SLC5A10: variants seen among roughly 807,000 people sequenced by gnomAD.
The protein encoded by SLC5A10 is solute carrier family 5 member 10, also known as sodium/mannose cotransporter SLC5A10.
SLC5A10 carries 55 observed loss-of-function variants against 68.9 expected under a neutral mutation model. That is an observed-to-expected ratio of 0.80 (90% CI 0.64 to 1.00). The LOEUF (loss-of-function observed/expected upper bound fraction) is 1.00. Among genes scored for constraint, SLC5A10 ranks in the 50% least tolerant of loss-of-function variants. The pLI is 0.00. For synonymous variants in SLC5A10, 344 were observed against 344.8 expected (o/e 1.00, Z 0.02); for missense variants, 732 against 819.3 (o/e 0.89, Z 1.30).
chr17:19,017,287 T>C lies in SLC5A10; in HGVS notation c.1241+2088T>C, dbSNP rs1420269065. The C allele has an allele frequency of 6.4e-7, 1 of 1,551,874 alleles. No homozygotes were observed. The highest frequency in any genetic ancestry group is 8.7e-7 in the Non-Finnish European group (1 of 1,146,968). On this transcript the variant is annotated intron_variant, in intron 11 of 14. Transcript: ENST00000395645. The surrounding 1 kb of genome is among the most constrained non-coding windows in gnomAD (Gnocchi z 5.6). ...CAACTTCCCGTCCCTCTTACAGCAC[T>C]GGGATACCCTCAACACCCCCAGCCC...
intron 9 of SLC5A10, among the ~76,000 whole-genome samples, chr17:18,992,567 C>T (rs995853312): frequency 6.6e-6 from 1 of 152,328 alleles, no homozygotes; most frequent in East Asian, 1.9e-4. Flanking sequence ...GGAGCACAGG[C>T]GTGGGCCTCC....
rs1302712284 is a variant in SLC5A10 at position 18,971,094 on chromosome 17, C to T, written c.722C>T (p.Thr241Ile). 6.2e-7 allele frequency: 1 copy of T among 1,614,012 alleles called. No homozygotes were observed. The highest frequency in any genetic ancestry group is 8.5e-7 in the Non-Finnish European group (1 of 1,180,046). Residue 241 changes from threonine to isoleucine, a missense_variant, in exon 8 of 15, where the codon ACC becomes ATC. Coordinates refer to ENST00000395645, the MANE Select transcript of SLC5A10 (RefSeq NM_001042450.4). This position sits in a 1 kb window ranked among gnomAD's most constrained non-coding sequence, Gnocchi z 5.5. ...CCCTCCAGGACCATTGCCAACACCA[C>T]CTGCCACCTGCCACGTACAGACGCC... ...AIPSRTIANT[T>I]CHLPRTDAMH...
At chr17:18,989,582 T>C (rs758400050) in intron 9 of SLC5A10, among the ~76,000 whole-genome samples, 13 of 152,186 alleles carry the variant, frequency 8.5e-5, no homozygotes, top group Non-Finnish European at 1.8e-4. Flanking sequence ...CTCATCAGTA[T>C]AGCATGCTCC....
intron 9 of SLC5A10, among the ~76,000 whole-genome samples, chr17:18,982,401 A>G (rs980590629): frequency 2.6e-5 from 4 of 152,218 alleles, no homozygotes; most frequent in Non-Finnish European, 4.4e-5. Flanking sequence ...TCGTGTGCGC[A>G]GAGGTGGAGG....
At chr17:18,964,449 C>G (rs1305156315) in intron 5 of SLC5A10, among the ~76,000 whole-genome samples, 1 of 152,202 alleles carries the variant, frequency 6.6e-6, no homozygotes, top group Non-Finnish European at 1.5e-5. Context: ...ATGGAAATCA[C>G]CTACTTACTG....
At chr17:18,990,524 G>A (rs1486307912) in intron 9 of SLC5A10, among the ~76,000 whole-genome samples, 1 of 152,220 alleles carries the variant, frequency 6.6e-6, no homozygotes, top group East Asian at 1.9e-4. Context: ...CCTGCCTACC[G>A]TGGCAGATGG....
chr17:18,971,545 T>C lies in SLC5A10; in HGVS notation c.846+327T>C. 1 of 1,613,800 alleles carries C rather than the reference T, an allele frequency of 6.2e-7. No individual in the cohort carries two copies. The highest frequency in any genetic ancestry group is 2.2e-5 in the East Asian group (1 of 44,866). ...TCATGGGGCGGGCATTTTGGGCCAG[T>C]CTTGGGCTGCCGGGATCCGGAAGCA... On this transcript the variant is annotated intron_variant, in intron 8 of 14. Coordinates refer to ENST00000395645, the MANE Select transcript of SLC5A10 (RefSeq NM_001042450.4). The surrounding 1 kb of genome is among the most constrained non-coding windows in gnomAD (Gnocchi z 5.5).
chr17:18,992,045 AGCCTGC>A (rs1392192761), intron 9 of SLC5A10, among the ~76,000 whole-genome samples: 1 of 152,074 alleles, frequency 6.6e-6, no homozygotes, highest in Non-Finnish European at 1.5e-5. Flanking sequence ...GCCAACAGCG[AGCCTGC>A]GCCTGCCCCA....
intron 9 of SLC5A10, among the ~76,000 whole-genome samples, chr17:18,994,044 G>C (rs1242763727): frequency 6.6e-6 from 1 of 152,138 alleles, no homozygotes; most frequent in African/African-American, 2.4e-5. Context: ...ACTACCCTCC[G>C]GGCCAGCTGG....
In SLC5A10 at chr17:19,021,143, A is replaced by T. The variant is rs1351438942; in HGVS notation, c.*712A>T. 2.0e-5 allele frequency: 3 copies of T among 152,128 alleles called. No homozygotes were observed. The highest frequency in any genetic ancestry group is 4.4e-5 in the Non-Finnish European group (3 of 68,036). 9.4% of individuals were successfully genotyped at this position (152,128 alleles called of 1,614,324 possible). On this transcript the variant is annotated 3_prime_UTR_variant, in exon 15 of 15. Transcript: ENST00000395645. The surrounding 1 kb of genome is among the most constrained non-coding windows in gnomAD (Gnocchi z 4.1). The stretch of plus-strand genomic sequence containing the variant: ...TCTCTAAAACCTAGCTCTGGCCCCA[A>T]CTTTCTGTCTGCCCTGGAGGTTTCT...
At chr17:19,007,196 T>C (rs964729571) in intron 9 of SLC5A10, among the ~76,000 whole-genome samples, 1 of 130,268 alleles carries the variant, frequency 7.7e-6, no homozygotes, top group Admixed American at 7.5e-5. Context: ...TACCGCTATT[T>C]TTTTTTTTTT....
chr17:18,987,213 G>A (rs2043292417), intron 9 of SLC5A10, among the ~76,000 whole-genome samples: 1 of 152,216 alleles, frequency 6.6e-6, no homozygotes, highest in South Asian at 2.1e-4. Context: ...AGACACTGGT[G>A]CTGAGCCCAA....
rs925340772 is a variant in SLC5A10 at position 18,968,251 on chromosome 17, G to T, written c.454-801G>T. 6.6e-6 allele frequency among the ~76,000 whole-genome samples: 1 copy of T among 152,212 alleles called. No individual in the cohort carries two copies. Among genetic ancestry groups the T allele is most frequent in the African/African-American group, 2.4e-5 (1 of 41,450 alleles). On this transcript the variant is annotated intron_variant, in intron 5 of 14. Coordinates refer to ENST00000395645, the MANE Select transcript of SLC5A10 (RefSeq NM_001042450.4). The surrounding 1 kb of genome is among the most constrained non-coding windows in gnomAD (Gnocchi z 4.1). ...CTGAGGCTGTGTGTTGGGTCATCTC[G>T]CATCTCCTGAGTCAAAGCAGAATGG...
At chr17:18,997,181 G>C (rs1044356043) in intron 9 of SLC5A10, among the ~76,000 whole-genome samples, 1 of 152,256 alleles carries the variant, frequency 6.6e-6, no homozygotes, top group African/African-American at 2.4e-5. Flanking sequence ...ATCATGCCCA[G>C]AGCGCTCTGA....
In SLC5A10 at chr17:18,971,708, G is replaced by C; in HGVS notation, c.846+490G>C. 6.2e-7 allele frequency: 1 copy of C among 1,600,574 alleles called. No homozygotes were observed. The highest frequency in any genetic ancestry group is 1.3e-5 in the African/African-American group (1 of 74,706). ...TCCTGGGAAGCCGTCTTTATCCCTAGTCCCTGAGGCAGGGACCCTGTGATG... is the reference window on the plus strand; with the variant it reads ...TCCTGGGAAGCCGTCTTTATCCCTACTCCCTGAGGCAGGGACCCTGTGATG... On this transcript the variant is annotated intron_variant, in intron 8 of 14. Coordinates refer to ENST00000395645, the MANE Select transcript of SLC5A10 (RefSeq NM_001042450.4). This position sits in a 1 kb window ranked among gnomAD's most constrained non-coding sequence, Gnocchi z 5.5.
rs2042775999 is a variant in SLC5A10, at chr17:18,969,176, G to A, written c.559+19G>A. 4 of 1,611,710 alleles carry A rather than the reference G, an allele frequency of 2.5e-6. No individual in the cohort carries two copies. The East Asian group carries it at 8.9e-5, about 36-fold the overall frequency. On this transcript the variant is annotated intron_variant, in intron 6 of 14. Coordinates refer to ENST00000395645, the MANE Select transcript of SLC5A10 (RefSeq NM_001042450.4). Reference sequence around the variant, plus strand: ...ATCGCAGGTATGGTGCCTGCAGCAGGGAGGTCCACCCAGGGGACGTGTAAA... The same window carrying A: ...ATCGCAGGTATGGTGCCTGCAGCAGAGAGGTCCACCCAGGGGACGTGTAAA...
Position 18,999,952 on chromosome 17 carries a change from G to C in SLC5A10, c.983-13458G>C, listed in dbSNP as rs116333723. 3.2e-3 allele frequency among the ~76,000 whole-genome samples: 483 copies of C among 152,356 alleles called. 5 individuals are homozygous for C. The highest frequency in any genetic ancestry group is 0.011 in the African/African-American group (463 of 41,578). On this transcript the variant is annotated intron_variant, in intron 9 of 14. Transcript: ENST00000395645. ...CCCCCTGCTGTGTCCTGTTGAGGGG[G>C]GCTCAGCATCTGCTGGAGGAGCAAC...
chr17:19,003,651 G>A lies in SLC5A10; in HGVS notation c.983-9759G>A. ...ATGGTGTCGGGCCAGCCCAGGTCCA[G>A]CTGCGGGATGGAGCGGTCCGACTTC... On this transcript the variant is annotated intron_variant, in intron 9 of 14. Transcript: ENST00000395645. The surrounding 1 kb of genome is among the most constrained non-coding windows in gnomAD (Gnocchi z 4.5). 1.2e-6 allele frequency: 2 copies of A among 1,612,290 alleles called. No homozygotes were observed. The highest frequency in any genetic ancestry group is 1.7e-6 in the Non-Finnish European group (2 of 1,179,576).
Position 19,003,145 on chromosome 17 carries a change from G to C in SLC5A10, c.983-10265G>C, listed in dbSNP as rs1172299159. On this transcript the variant is annotated intron_variant, in intron 9 of 14. Transcript: ENST00000395645. The surrounding 1 kb of genome is among the most constrained non-coding windows in gnomAD (Gnocchi z 4.5). The stretch of plus-strand genomic sequence containing the variant: ...CCCCACCAGAGAGCTCATGGTGTGT[G>C]CGCGCCTTTACAGTGAATCAGAGCC... 6.6e-6 allele frequency among the ~76,000 whole-genome samples: 1 copy of C among 151,424 alleles called. No individual in the cohort carries two copies. The highest frequency in any genetic ancestry group is 1.5e-5 in the Non-Finnish European group (1 of 67,912).
Sources: gnomAD v4.1 joint callset for allele counts (sites outside exome capture counted in the v4.1 genomes callset) on GRCh38, gnomAD v4.1.1 for gene constraint, Gnocchi (gnomAD v3.1) non-coding constraint, MANE v1.5 for transcripts, NCBI Gene and HGNC (gene_info 2026-07-23, HGNC 2026-07-21) for gene names.